B3GALT1: variants seen among roughly 807,000 people sequenced by gnomAD.
B3GALT1 encodes the protein beta-1,3-galactosyltransferase 1.
B3GALT1 carries 10 observed loss-of-function variants against 23.2 expected under a neutral mutation model. The ratio of observed to expected loss-of-function variants is 0.43; its 90% CI spans 0.27 to 0.73. B3GALT1 has a LOEUF of 0.73. Among genes scored for constraint, B3GALT1 ranks in the 30% least tolerant of loss-of-function variants. B3GALT1 has a pLI of 0.21. For synonymous variants in B3GALT1, 156 were observed against 141.5 expected, an observed-to-expected ratio of 1.10 and a Z score of -0.73; for missense variants, 299 against 405.4, an observed-to-expected ratio of 0.74 and a Z score of 2.25.
chr2:167,831,564 A>G lies in B3GALT1; in HGVS notation c.-230+12771A>G, dbSNP rs531949256. Among the ~76,000 whole-genome samples, 9 of 152,298 alleles carry G rather than the reference A, an allele frequency of 5.9e-5. No individual in the cohort carries two copies. The South Asian group carries it at 1.7e-3, about 28-fold the overall frequency. The stretch of plus-strand genomic sequence containing the variant: ...AGAGTATTATCTCCAGAAGAGAGAA[A>G]GAGAAAGTGGTGCAGCGGGAAGAAA... On this transcript the variant is annotated intron_variant, in intron 4 of 4. Coordinates refer to ENST00000392690, the MANE Select transcript of B3GALT1 (RefSeq NM_020981.4).
At chr2:167,323,391 G>A (rs1405972276) in intron 1 of B3GALT1, among the ~76,000 whole-genome samples, 1 of 151,956 alleles carries the variant, frequency 6.6e-6, no homozygotes, top group East Asian at 1.9e-4. Context: ...TATATTTAAA[G>A]ATCACCTTGA....
chr2:167,829,578 T>G (rs1385193582), intron 4 of B3GALT1, among the ~76,000 whole-genome samples: 1 of 152,120 alleles, frequency 6.6e-6, no homozygotes, highest in African/African-American at 2.4e-5. Context: ...GGGAGCCAAG[T>G]CTTCCCCCAC....
intron 3 of B3GALT1, among the ~76,000 whole-genome samples, chr2:167,690,614 G>T (rs1421901013): frequency 6.6e-6 from 1 of 152,076 alleles, no homozygotes; most frequent in African/African-American, 2.4e-5. Context: ...AAACAATTCT[G>T]TGTCTTATTT....
At chr2:167,533,390 T>A (rs924280518) in intron 2 of B3GALT1, among the ~76,000 whole-genome samples, 2 of 152,138 alleles carry the variant, frequency 1.3e-5, no homozygotes, top group African/African-American at 4.8e-5. Context: ...TTTTTAAGAA[T>A]CTATTAATAG....
chr2:167,643,055 C>A (rs955898201), intron 2 of B3GALT1, among the ~76,000 whole-genome samples: 54 of 152,146 alleles, frequency 3.5e-4, no homozygotes, highest in African/African-American at 1.2e-3. Context: ...CAGCTTACTT[C>A]GTAAGAATTT....
At chr2:167,661,713 A>G (rs1686063152) in intron 3 of B3GALT1, among the ~76,000 whole-genome samples, 1 of 152,104 alleles carries the variant, frequency 6.6e-6, no homozygotes, top group Non-Finnish European at 1.5e-5. Flanking sequence ...TTTCCAAGTT[A>G]AATATGCCCT....
intron 1 of B3GALT1, among the ~76,000 whole-genome samples, chr2:167,392,893 C>T (rs1011363705): frequency 2.0e-5 from 3 of 152,052 alleles, no homozygotes; most frequent in Non-Finnish European, 4.4e-5. Flanking sequence ...TCCTCTAGAA[C>T]GAACACTTGT....
chr2:167,733,680 G>A (rs1357799655), intron 3 of B3GALT1, among the ~76,000 whole-genome samples: 2 of 152,166 alleles, frequency 1.3e-5, no homozygotes, highest in Non-Finnish European at 2.9e-5. Flanking sequence ...TGCCAAGAAT[G>A]GAAGGCTAGT....
chr2:167,303,390 A>G (rs1432465609), intron 1 of B3GALT1, among the ~76,000 whole-genome samples: 1 of 152,046 alleles, frequency 6.6e-6, no homozygotes, highest in Non-Finnish European at 1.5e-5. Context: ...GGTGTTTGTA[A>G]TTGTTAACTT....
At chr2:167,512,064 A>G (rs985946384) in intron 2 of B3GALT1, among the ~76,000 whole-genome samples, 3 of 152,176 alleles carry the variant, frequency 2.0e-5, no homozygotes. Flanking sequence ...CAAAAGTACT[A>G]TGAAGAAAAA....
chr2:167,565,768 C>T (rs959090364), intron 2 of B3GALT1, among the ~76,000 whole-genome samples: 1 of 152,102 alleles, frequency 6.6e-6, no homozygotes, highest in African/African-American at 2.4e-5. Context: ...CATCACTGGC[C>T]ATCAGAGAAA....
intron 4 of B3GALT1, among the ~76,000 whole-genome samples, chr2:167,861,927 A>G (rs139666006): frequency 6.6e-6 from 1 of 152,320 alleles, no homozygotes; most frequent in Non-Finnish European, 1.5e-5. Context: ...AGATTTAGAA[A>G]TGCAAAGGAA....
intron 2 of B3GALT1, among the ~76,000 whole-genome samples, chr2:167,572,047 G>C (rs947040235): frequency 1.1e-4 from 17 of 151,832 alleles, no homozygotes; most frequent in Non-Finnish European, 2.2e-4. Flanking sequence ...TGTTAAATCA[G>C]TATGGCGTCT....
Position 167,634,721 on chromosome 2 carries a change from C to CA in B3GALT1, c.-409-12179dup, listed in dbSNP as rs917311231. Among the ~76,000 whole-genome samples the CA allele has an allele frequency of 8.2e-4, 124 of 150,884 alleles. 1 individual carries two copies. The highest frequency in any genetic ancestry group is 3.4e-3 in the Middle Eastern group (1 of 292). On this transcript the variant is annotated intron_variant, in intron 2 of 4. Transcript: ENST00000392690. ...GGGCAGCAATTAATAGCCTACCAAC[C>CA]AAAAAAAAATCCCAGGTCCAGATGG...
At chr2:167,866,444 A>G (rs896644008) in intron 4 of B3GALT1, among the ~76,000 whole-genome samples, 3 of 152,174 alleles carry the variant, frequency 2.0e-5, no homozygotes, top group African/African-American at 4.8e-5. Flanking sequence ...TGTTTGTCCA[A>G]TACTTCACAT....
chr2:167,789,962 C>T (rs1688406084), intron 3 of B3GALT1, among the ~76,000 whole-genome samples: 2 of 152,170 alleles, frequency 1.3e-5, no homozygotes, highest in Admixed American at 6.5e-5. Context: ...ACAACCACCA[C>T]CCCGCAAAGA....
chr2:167,679,572 C>T (rs940993493), intron 3 of B3GALT1, among the ~76,000 whole-genome samples: 3 of 152,174 alleles, frequency 2.0e-5, no homozygotes, highest in Admixed American at 6.5e-5. Flanking sequence ...GTTCTTAATT[C>T]GGAACATTGT....
chr2:167,487,347 T>TC (rs1359427977), intron 1 of B3GALT1, among the ~76,000 whole-genome samples: 1 of 152,234 alleles, frequency 6.6e-6, no homozygotes, highest in Non-Finnish European at 1.5e-5. Flanking sequence ...GGCCTCTGTT[T>TC]AAAGTAAGCT....
intron 2 of B3GALT1, among the ~76,000 whole-genome samples, chr2:167,619,662 GC>G (rs1428904181): frequency 3.3e-5 from 5 of 151,962 alleles, no homozygotes; most frequent in Non-Finnish European, 5.9e-5. Flanking sequence ...ATCTTTTATG[GC>G]AATTCTACCA....
Sources: allele counts gnomAD v4.1 joint callset (sites outside exome capture counted in the v4.1 genomes callset), GRCh38; gene constraint gnomAD v4.1.1; transcripts MANE v1.5; gene names NCBI Gene and HGNC (gene_info 2026-07-23, HGNC 2026-07-21).